Variants in CHCHD3 observed in about 807,000 individuals in gnomAD.
CHCHD3 encodes the protein coiled-coil-helix-coiled-coil-helix domain containing 3.
CHCHD3 carries 20 observed loss-of-function variants against 38.2 expected under a neutral mutation model. That is an observed-to-expected ratio of 0.52 (90% CI 0.37 to 0.76). The LOEUF is 0.76. CHCHD3 is among the 30% of genes least tolerant of loss of function. The pLI is 0.00. For missense variants in CHCHD3, 245 were observed against 279.2 expected (o/e 0.88, Z 0.87); for synonymous variants, 82 against 100.0 (o/e 0.82, Z 1.07).
chr7:133,080,887 T>C (rs1430479852), intron 1 of CHCHD3, among the ~76,000 whole-genome samples: 2 of 150,666 alleles, frequency 1.3e-5, no homozygotes, highest in Non-Finnish European at 2.9e-5. Flanking sequence ...TTATTTACGC[T>C]GGTTGATAAC....
intron 2 of CHCHD3, among the ~76,000 whole-genome samples, chr7:133,059,827 C>A (rs1196895037): frequency 1.3e-5 from 2 of 152,174 alleles, no homozygotes; most frequent in Non-Finnish European, 2.9e-5. Context: ...GGCACTTGTA[C>A]ATATCAGGCT....
chr7:132,862,318 C>T (rs931493087), intron 5 of CHCHD3, among the ~76,000 whole-genome samples: 9 of 152,162 alleles, frequency 5.9e-5, no homozygotes, highest in Admixed American at 5.2e-4. Flanking sequence ...GGAGATACTG[C>T]AGGTTTGGTT....
chr7:132,922,404 C>G (rs1478127468), intron 4 of CHCHD3, among the ~76,000 whole-genome samples: 1 of 152,152 alleles, frequency 6.6e-6, no homozygotes, highest in Non-Finnish European at 1.5e-5. Flanking sequence ...TTCACCATTT[C>G]CAAACATCAA....
intron 1 of CHCHD3, 97 bp from the exon 2 acceptor site, chr7:133,070,326 A>G: frequency 1.2e-6 from 1 of 856,024 alleles, no homozygotes; most frequent in South Asian, 1.7e-5. Flanking sequence ...ATATCCATAC[A>G]TATGACGAAT....
At chr7:132,997,659 T>TAAAAAAAAAAAAAAAAAAAAAAAAA (rs71178073) in intron 3 of CHCHD3, among the ~76,000 whole-genome samples, 2 of 81,740 alleles carry the variant, frequency 2.4e-5, no homozygotes, top group Non-Finnish European at 4.8e-5. Context: ...AACAGGGTTG[T>TAAAAAAAAAAAAAAAAAAAAAAAAA]AAAAAAAAAA....
intron 4 of CHCHD3, among the ~76,000 whole-genome samples, chr7:132,959,842 T>A (rs550772634): frequency 6.6e-6 from 1 of 152,292 alleles, no homozygotes; most frequent in East Asian, 1.9e-4. Flanking sequence ...CAAACAGCCT[T>A]TGCTATTTGC....
intron 5 of CHCHD3, chr7:132,847,400 A>G (rs912996464): frequency 3.3e-5 from 5 of 152,242 alleles, no homozygotes; most frequent in African/African-American, 1.2e-4. Context: ...TTGATTTTAG[A>G]TGCAAGTATT....
chr7:132,840,306 T>C (rs2117098482), intron 5 of CHCHD3, among the ~76,000 whole-genome samples: 1 of 152,326 alleles, frequency 6.6e-6, no homozygotes, highest in African/African-American at 2.4e-5. Flanking sequence ...TCACTAACAA[T>C]AGTTACTCTC....
intron 4 of CHCHD3, among the ~76,000 whole-genome samples, chr7:132,956,475 T>G (rs1811170908): frequency 6.6e-6 from 1 of 152,192 alleles, no homozygotes; most frequent in South Asian, 2.1e-4. Context: ...GAAGAAAAAG[T>G]CCACTCTTGC....
intron 4 of CHCHD3, among the ~76,000 whole-genome samples, chr7:132,965,631 A>G (rs977024624): frequency 1.3e-5 from 2 of 152,140 alleles, no homozygotes; most frequent in African/African-American, 4.8e-5. Flanking sequence ...TATGTAACCT[A>G]TGGATAGGTA....
chr7:133,043,271 C>T (rs1813881811), intron 2 of CHCHD3, among the ~76,000 whole-genome samples: 1 of 152,206 alleles, frequency 6.6e-6, no homozygotes, highest in African/African-American at 2.4e-5. Context: ...AAATATGACA[C>T]TATATTGTAT....
rs181120213 is a variant in CHCHD3, at chr7:132,973,070, A to G, written c.369+2099T>C. On this transcript the variant is annotated intron_variant, in intron 4 of 7. Coordinates refer to ENST00000262570, the MANE Select transcript of CHCHD3 (RefSeq NM_017812.4). ...TGAAATCTCTTTTTATGTCTTGCTG[A>G]GTGTGTGTATATATTTAATGAGTTT... The G allele has an allele frequency of 4.0e-5, 39 of 985,204 alleles. No homozygotes were observed. In the East Asian group the frequency reaches 2.3e-3, roughly 57 times the overall value. 61.0% of individuals were successfully genotyped at this position (985,204 alleles called of 1,614,324 possible).
At position 132,956,839 on chromosome 7, in the gene CHCHD3, TAGGTAA is replaced by T. The variant is rs1190839453; in HGVS notation, c.369+18324_369+18329del. 3.9e-5 allele frequency among the ~76,000 whole-genome samples: 6 copies of T among 152,184 alleles called. No individual in the cohort carries two copies. The East Asian group carries it at 1.2e-3, about 29-fold the overall frequency. ...TGCCCAGCCACTTAGGCTGAGGAGT[TAGGTAA>T]ATGGTGGGAAGGGCTGCTAAGAAAA... On this transcript the variant is annotated intron_variant, in intron 4 of 7. Coordinates refer to ENST00000262570, the MANE Select transcript of CHCHD3 (RefSeq NM_017812.4).
intron 4 of CHCHD3, among the ~76,000 whole-genome samples, chr7:132,933,409 C>G (rs1433441949): frequency 6.6e-6 from 1 of 152,172 alleles, no homozygotes; most frequent in Non-Finnish European, 1.5e-5. Context: ...AAAACATCAG[C>G]CAGACTTTAT....
rs530527819 is a variant in CHCHD3 at position 132,801,067 on chromosome 7, T to C, written c.525-4490A>G. Among the ~76,000 whole-genome samples, 9 of 152,328 alleles carry C rather than the reference T, an allele frequency of 5.9e-5. No homozygotes were observed. The East Asian group carries it at 1.7e-3, about 29-fold the overall frequency. ...AAACCCAGTGATCAGGATTTCTGCT[T>C]TTCTTTTAAAACACAAAACTAAAGC... is the stretch of plus-strand genomic sequence containing the variant. On this transcript the variant is annotated intron_variant, in intron 6 of 7. Coordinates refer to ENST00000262570, the MANE Select transcript of CHCHD3 (RefSeq NM_017812.4).
chr7:132,909,496 A>T (rs1224481843), intron 4 of CHCHD3, among the ~76,000 whole-genome samples: 1 of 152,170 alleles, frequency 6.6e-6, no homozygotes, highest in African/African-American at 2.4e-5. Context: ...ATCTCAAAAA[A>T]CAAACAAAAA....
chr7:133,049,515 G>A (rs555878212), intron 2 of CHCHD3, among the ~76,000 whole-genome samples: 161 of 152,288 alleles, frequency 1.1e-3, no homozygotes, highest in Non-Finnish European at 1.4e-3. Context: ...TGTTAGTGAT[G>A]TTTATTACCA....
At chr7:133,027,231 G>T (rs1813366668) in intron 2 of CHCHD3, among the ~76,000 whole-genome samples, 1 of 151,864 alleles carries the variant, frequency 6.6e-6, no homozygotes, top group Non-Finnish European at 1.5e-5. Context: ...GAGCCACCAT[G>T]CCCAGACGAA....
intron 5 of CHCHD3, among the ~76,000 whole-genome samples, chr7:132,855,031 A>T (rs1313799414): frequency 1.3e-5 from 2 of 152,212 alleles, no homozygotes; most frequent in African/African-American, 4.8e-5. Context: ...AAGTAAAGTT[A>T]GGGGCCACTA....
Sources: allele counts gnomAD v4.1 joint callset (sites outside exome capture counted in the v4.1 genomes callset), GRCh38; gene constraint gnomAD v4.1.1; transcripts MANE v1.5; gene names NCBI Gene and HGNC (gene_info 2026-07-23, HGNC 2026-07-21).